The following CMC1 variants were observed in gnomAD, a reference collection of about 807,000 sequenced individuals.
CMC1 encodes COX assembly mitochondrial protein homolog.
CMC1 carries 14 observed loss-of-function variants against 14.1 expected under a neutral mutation model. The ratio of observed to expected loss-of-function variants is 0.99; its 90% CI spans 0.66 to 1.55. The LOEUF (loss-of-function observed/expected upper bound fraction) is 1.55. Ranked by LOEUF, CMC1 falls within the 40% of genes most tolerant of loss-of-function variation. CMC1 has a pLI of 0.00. For missense variants in CMC1, 127 were observed against 123.8 expected (o/e 1.03, Z -0.12); for synonymous variants, 50 against 38.4 (o/e 1.30, Z -1.12).
intron 2 of CMC1, among the ~76,000 whole-genome samples, chr3:28,301,803 G>C (rs916356033): frequency 6.6e-6 from 1 of 151,962 alleles, no homozygotes; most frequent in Non-Finnish European, 1.5e-5. Flanking sequence ...CAGGAGAAGA[G>C]AAAAAAATAT....
At chr3:28,243,444 A>T (rs553938457) in intron 1 of CMC1, among the ~76,000 whole-genome samples, 6 of 152,122 alleles carry the variant, frequency 3.9e-5, no homozygotes, top group Non-Finnish European at 8.8e-5. Context: ...AAAGATTTCC[A>T]TATATCTACA....
chr3:28,321,976 A>C lies in CMC1; in HGVS notation c.*2347A>C, dbSNP rs1362594445. 4 of 151,390 alleles carry C rather than the reference A, an allele frequency of 2.6e-5. No individual in the cohort carries two copies. Among genetic ancestry groups the C allele is most frequent in the African/African-American group, 9.7e-5 (4 of 41,348 alleles). 9.4% of individuals were successfully genotyped at this position (151,390 alleles called of 1,614,324 possible). A position where few individuals can be genotyped will look rare whatever the true frequency, so the allele number is the denominator to read the frequency against. On this transcript the variant is annotated 3_prime_UTR_variant, in exon 4 of 4. Transcript: ENST00000466830. Reference sequence around the variant, plus strand: ...GAGCAAGTTTCAGCTAGTATGAAAGAAGTCAACATAAAATATTCAATTTTA... The same window carrying C: ...GAGCAAGTTTCAGCTAGTATGAAAGCAGTCAACATAAAATATTCAATTTTA...
At chr3:28,248,549 C>T (rs1054234568) in intron 1 of CMC1, among the ~76,000 whole-genome samples, 3 of 152,152 alleles carry the variant, frequency 2.0e-5, no homozygotes, top group Admixed American at 6.5e-5. Flanking sequence ...TCATAGGTCT[C>T]AAGGGGTTCT....
chr3:28,297,658 C>T (rs1701801143), intron 2 of CMC1, among the ~76,000 whole-genome samples: 1 of 152,064 alleles, frequency 6.6e-6, no homozygotes, highest in South Asian at 2.1e-4. Context: ...TGTTTTTCCT[C>T]TGCAGTGTTT....
In CMC1 at chr3:28,253,538, G is replaced by A. The variant is rs190682233; in HGVS notation, c.20-9753G>A. 3.0e-4 allele frequency among the ~76,000 whole-genome samples: 45 copies of A among 152,092 alleles called. 1 individual carries two copies. In the East Asian group the frequency reaches 8.0e-3, roughly 27 times the overall value. On this transcript the variant is annotated intron_variant, in intron 1 of 3. Transcript: ENST00000466830. The stretch of plus-strand genomic sequence containing the variant: ...AGAAGCTGCAGTGAGCTGTGATCAC[G>A]CCATTGCGCCCTATCCTGGGTGACA...
chr3:28,288,026 A>G (rs946157869), intron 2 of CMC1, among the ~76,000 whole-genome samples: 14 of 152,042 alleles, frequency 9.2e-5, no homozygotes, highest in Admixed American at 4.6e-4. Context: ...CAAATGCTCA[A>G]TAGCTGCATG....
At chr3:28,273,289 G>A (rs763173687) in intron 2 of CMC1, among the ~76,000 whole-genome samples, 1 of 152,138 alleles carries the variant, frequency 6.6e-6, no homozygotes, top group Non-Finnish European at 1.5e-5. Flanking sequence ...CTGGTATGTT[G>A]TCTTTTTCTT....
At chr3:28,269,617 G>C (rs1215426394) in intron 2 of CMC1, among the ~76,000 whole-genome samples, 1 of 151,924 alleles carries the variant, frequency 6.6e-6, no homozygotes, top group East Asian at 1.9e-4. Context: ...CTAAGCTGGA[G>C]GGTAGTGGCG....
chr3:28,245,082 C>G (rs901436746), intron 1 of CMC1, among the ~76,000 whole-genome samples: 1 of 151,598 alleles, frequency 6.6e-6, no homozygotes, highest in Non-Finnish European at 1.5e-5. Flanking sequence ...ATAATAGATA[C>G]ACCAATTGAG....
chr3:28,307,032 A>C (rs1338277459), intron 2 of CMC1, among the ~76,000 whole-genome samples: 2 of 152,152 alleles, frequency 1.3e-5, no homozygotes, highest in East Asian at 3.9e-4. Context: ...GTTTTAAAAC[A>C]TTTTCACTTT....
chr3:28,267,729 A>G (rs1700079341), intron 2 of CMC1, among the ~76,000 whole-genome samples: 3 of 152,238 alleles, frequency 2.0e-5, no homozygotes, highest in African/African-American at 7.2e-5. Flanking sequence ...GTATTTTGTG[A>G]AATTCCAAAG....
chr3:28,246,467 A>G (rs1478588867), intron 1 of CMC1, among the ~76,000 whole-genome samples: 2 of 152,202 alleles, frequency 1.3e-5, no homozygotes, highest in African/African-American at 4.8e-5. Flanking sequence ...ACTAAGAACA[A>G]TGGGAAGACA....
chr3:28,317,216 A>G (rs1702969298), intron 3 of CMC1: 1 of 152,060 alleles, frequency 6.6e-6, no homozygotes, highest in African/African-American at 2.4e-5. Context: ...TAAATAAAAT[A>G]TGTACACATA....
Position 28,319,691 on chromosome 3 carries a change from A to T in CMC1, c.*62A>T. 1.5e-6 allele frequency: 2 copies of T among 1,346,888 alleles called. No homozygotes were observed. The highest frequency in any genetic ancestry group is 2.0e-6 in the Non-Finnish European group (2 of 977,916). 83.4% of individuals were successfully genotyped at this position (1,346,888 alleles called of 1,614,324 possible). ...CATGGAAGTCATTTTATAGTCCTTA[A>T]ATAATGGACTCAAGCATATATGTTT... is the stretch of plus-strand genomic sequence containing the variant. On this transcript the variant is annotated 3_prime_UTR_variant, in exon 4 of 4. Transcript: ENST00000466830.
chr3:28,305,779 ATTTTTTTTT>A (rs71087685), intron 2 of CMC1, among the ~76,000 whole-genome samples: 1 of 43,534 alleles, frequency 2.3e-5, no homozygotes, highest in East Asian at 8.2e-4. Context: ...TTTCATAGGA[ATTTTTTTTT>A]TTTTTTTTTT....
intron 3 of CMC1, chr3:28,316,754 T>G (rs1577106266): frequency 6.1e-6 from 1 of 165,132 alleles, no homozygotes; most frequent in Non-Finnish European, 1.3e-5. Flanking sequence ...GTTGTAAAGA[T>G]AACTGAATGA....
intron 1 of CMC1, among the ~76,000 whole-genome samples, chr3:28,258,085 T>TATATATAC (rs1481573780): frequency 2.1e-4 from 31 of 144,960 alleles, no homozygotes; most frequent in African/African-American, 6.5e-4. Flanking sequence ...TATATATATA[T>TATATATAC]ACTTACAATT....
chr3:28,253,915 T>C (rs1334591806), intron 1 of CMC1: 7 of 356,648 alleles, frequency 2.0e-5, no homozygotes, highest in Non-Finnish European at 3.7e-5. Flanking sequence ...AATATTCTTA[T>C]TTGCTTCACT....
chr3:28,319,757 A>T lies in CMC1; in HGVS notation c.*128A>T. The T allele has an allele frequency of 1.2e-6, 1 of 802,990 alleles. No homozygotes were observed. The highest frequency in any genetic ancestry group is 3.3e-5 in the Admixed American group (1 of 30,196). The allele number at this position is 802,990 out of a possible 1,614,324, so 49.7% of individuals were successfully genotyped here. ...TGGAAATATTAACTTTATCTGAAAT[A>T]AATATTTTATTTCAAAGTTTTGGTT... On this transcript the variant is annotated 3_prime_UTR_variant, in exon 4 of 4. Transcript: ENST00000466830.
Sources: allele counts gnomAD v4.1 joint callset (sites outside exome capture counted in the v4.1 genomes callset), GRCh38; gene constraint gnomAD v4.1.1; transcripts MANE v1.5; gene names NCBI Gene and HGNC (gene_info 2026-07-23, HGNC 2026-07-21).